Variants in MAP4K1 observed in about 807,000 individuals in gnomAD.
MAP4K1 encodes mitogen-activated protein kinase kinase kinase kinase 1.
In MAP4K1, 35 loss-of-function variants were observed where a neutral mutation model predicts 122.8. The ratio of observed to expected loss-of-function variants is 0.29; its 90% CI spans 0.22 to 0.38. The LOEUF is 0.38. MAP4K1 is among the 10% of genes least tolerant of loss of function. MAP4K1 has a pLI of 1.00. For synonymous variants in MAP4K1, 412 were observed against 421.3 expected (o/e 0.98, Z 0.27); for missense variants, 791 against 1,072.6 (o/e 0.74, Z 3.67).
At position 38,605,435 on chromosome 19, in the gene MAP4K1, G is replaced by T. The variant is rs1347520771; in HGVS notation, c.1420C>A (p.Pro474Thr). Residue 474 changes from proline to threonine, a missense_variant, in exon 19 of 31, where the codon CCC (proline) becomes ACC (threonine). Around this residue, in one of 4 missense-constraint regions of MAP4K1, gnomAD observed 303 missense variants for 344.8 expected, o/e 0.88. Coordinates refer to ENST00000396857, the MANE Select transcript of MAP4K1 (RefSeq NM_001042600.3). Reference sequence around the variant, plus strand: ...TTTCTCTTCATCTTTTCCTTCTTGGGGGGCAGAAGTGGGGGCTTGTCAAGC... The same window carrying T: ...TTTCTCTTCATCTTTTCCTTCTTGGTGGGCAGAAGTGGGGGCTTGTCAAGC... ...RELDKPPLLPPKKEKMKRKGC... is the reference protein window; with the variant it reads ...RELDKPPLLPTKKEKMKRKGC... 1 of 1,601,858 alleles carries T rather than the reference G, an allele frequency of 6.2e-7. No homozygotes were observed. The highest frequency in any genetic ancestry group is 8.5e-7 in the Non-Finnish European group (1 of 1,175,378).
At chr19:38,602,523 C>CATGTACAT (rs1491331443) in intron 19 of MAP4K1, among the ~76,000 whole-genome samples, 28 of 147,444 alleles carry the variant, frequency 1.9e-4, no homozygotes, top group Non-Finnish European at 3.0e-4. Flanking sequence ...CATATATACG[C>CATGTACAT]ATATACATAT....
At chr19:38,603,073 CAT>C (rs1284006032) in intron 19 of MAP4K1, among the ~76,000 whole-genome samples, 2 of 118,614 alleles carry the variant, frequency 1.7e-5, no homozygotes, top group East Asian at 5.5e-4. Flanking sequence ...TACACATATA[CAT>C]ATATACACAT....
intron 20 of MAP4K1, among the ~76,000 whole-genome samples, chr19:38,600,648 C>A (rs1459039263): frequency 6.6e-6 from 1 of 151,930 alleles, no homozygotes; most frequent in Non-Finnish European, 1.5e-5. Context: ...AATTCCTCAC[C>A]CCAAAATGCT....
rs776503726 is a variant in MAP4K1 at position 38,605,488 on chromosome 19, G to C, written c.1367C>G (p.Pro456Arg). 1.3e-6 allele frequency: 2 copies of C among 1,585,104 alleles called. No individual in the cohort carries two copies. The highest frequency in any genetic ancestry group is 1.8e-5 in the Admixed American group (1 of 55,422). The change falls in exon 19 of 31, where the codon CCC becomes CGC. Residue 456 changes from proline (P) to arginine (R), a missense_variant. Pro to Arg is a moderately radical substitution (Grantham distance 103). Transcript: ENST00000396857. Reference protein sequence around the residue: ...SSPHLTAHSEPSLWNPPSREL... With the variant: ...SSPHLTAHSERSLWNPPSREL... ...CCGGGAGGGTGGGTTCCAGAGTGAG[G>C]GTTCTGAGAGGGGTTAGGAGAAAAT...
chr19:38,601,424 C>G lies in MAP4K1; in HGVS notation c.1531+17G>C. ...CCCATTCCCTACAGGATCTCCTTGA[C>G]CCTCCAGAATGCCCACCCTTGGTGG... is the stretch of plus-strand genomic sequence containing the variant. On this transcript the variant is annotated intron_variant, in intron 20 of 30. Coordinates refer to ENST00000396857, the MANE Select transcript of MAP4K1 (RefSeq NM_001042600.3). 1.3e-6 allele frequency: 2 copies of G among 1,596,602 alleles called. No homozygotes were observed. Among genetic ancestry groups the G allele is most frequent in the Non-Finnish European group, 1.7e-6 (2 of 1,170,900 alleles).
chr19:38,614,523 A>C, intron 4 of MAP4K1, 78 bp from the exon 5 acceptor site: 6 of 1,484,726 alleles, frequency 4.0e-6, no homozygotes, highest in East Asian at 2.3e-5. Context: ...GCCCCCCCAC[A>C]CCAGCTAAGA....
At chr19:38,599,399 T>G (rs927922148) in intron 22 of MAP4K1, among the ~76,000 whole-genome samples, 1 of 136,854 alleles carries the variant, frequency 7.3e-6, no homozygotes, top group Admixed American at 7.3e-5. Context: ...TGGTGGCTCA[T>G]GCCTGTAATC....
intron 5 of MAP4K1, 30 bp from the exon 6 acceptor site, chr19:38,614,322 G>T: frequency 6.2e-7 from 1 of 1,614,160 alleles, no homozygotes; most frequent in Non-Finnish European, 8.5e-7. Flanking sequence ...AGGGGACAGT[G>T]AGTGTTTGGG....
chr19:38,596,896 G>A (rs34279836), intron 25 of MAP4K1, 138 bp downstream of exon 25: 1 of 791,324 alleles, frequency 1.3e-6, no homozygotes, highest in Non-Finnish European at 2.1e-6. Flanking sequence ...GCAGACCGCA[G>A]GTGGGCGGGG....
At chr19:38,590,796 G>T (rs1006159537) in intron 30 of MAP4K1, among the ~76,000 whole-genome samples, 4 of 151,938 alleles carry the variant, frequency 2.6e-5, no homozygotes, top group Non-Finnish European at 5.9e-5. Flanking sequence ...TTGAGTAGGG[G>T]TATGAATTAG....
rs1046776815 is a variant in MAP4K1 at position 38,595,963 on chromosome 19, C to T, written c.2155G>A (p.Asp719Asn). 6.2e-7 allele frequency: 1 copy of T among 1,614,026 alleles called. No homozygotes were observed. The highest frequency in any genetic ancestry group is 8.5e-7 in the Non-Finnish European group (1 of 1,179,980). ...CCATCCATCAACACCATCACCATAT[C>T]TTCCTCTACCTGGGTCACCTGCACG... The part of the protein sequence containing the change: ...GPVQVTQVEE[D>N]MVMVLMDGSV... The change falls in exon 27 of 31, where the codon GAT becomes AAT. Residue 719 changes from aspartate (D) to asparagine (N), a missense_variant. Coordinates refer to ENST00000396857, the MANE Select transcript of MAP4K1 (RefSeq NM_001042600.3).
chr19:38,587,980 G>C (rs550013713), intron 30 of MAP4K1, among the ~76,000 whole-genome samples, 163 bp from the exon 31 acceptor site: 7 of 150,890 alleles, frequency 4.6e-5, no homozygotes, highest in African/African-American at 1.7e-4. Context: ...TTCTAGAGAA[G>C]GAGATCAACA....
chr19:38,606,402 G>A (rs1975330794), intron 16 of MAP4K1, among the ~76,000 whole-genome samples, 187 bp from the exon 17 acceptor site: 1 of 152,234 alleles, frequency 6.6e-6, no homozygotes, highest in Admixed American at 6.5e-5. Context: ...GCTCATGCCT[G>A]TAATCGCAGT....
At position 38,617,860 on chromosome 19, in the gene MAP4K1, G is replaced by A. The variant is rs1213249777; in HGVS notation, c.36C>T (p.Asp12=). The A allele has an allele frequency of 4.3e-6, 7 of 1,614,022 alleles. No individual in the cohort carries two copies. Among genetic ancestry groups the A allele is most frequent in the African/African-American group, 2.7e-5 (2 of 74,906 alleles). The change falls in exon 1 of 31, where the codon GAC becomes GAT. Residue 12 remains aspartate, a synonymous_variant. Transcript: ENST00000396857. This position sits in a 1 kb window ranked among gnomAD's most constrained non-coding sequence, Gnocchi z 4.1. ...GTAGCAGGTCATAGTGGTCCCGGGGGTCTCTATTGAAAATGTCAGGGTCCA... is the reference window on the plus strand; with the variant it reads ...GTAGCAGGTCATAGTGGTCCCGGGGATCTCTATTGAAAATGTCAGGGTCCA... ...DVVDPDIFNR[D]PRDHYDLLQR...
rs1975072521 is a variant in MAP4K1, at chr19:38,601,738, A to G, written c.1447-213T>C. 2.4e-5 allele frequency: 13 copies of G among 532,008 alleles called. No homozygotes were observed. The South Asian group carries it at 2.9e-4, about 12-fold the overall frequency. The allele number at this position is 532,008 out of a possible 1,614,324, so 33.0% of individuals were successfully genotyped here. A position where few individuals can be genotyped will look rare whatever the true frequency, so the allele number is the denominator to read the frequency against. ...TTTTGTTTTTTTTTGTTGTTGTTAT[A>G]TATTTCTTTTTTTAGTTTTTCCTCC... On this transcript the variant is annotated intron_variant, in intron 19 of 30. Coordinates refer to ENST00000396857, the MANE Select transcript of MAP4K1 (RefSeq NM_001042600.3).
At chr19:38,588,395 A>T (rs1385271724) in intron 30 of MAP4K1, among the ~76,000 whole-genome samples, 1 of 152,164 alleles carries the variant, frequency 6.6e-6, no homozygotes, top group Non-Finnish European at 1.5e-5. Flanking sequence ...GTGCCTCAAA[A>T]TAAATAATGA....
chr19:38,604,242 A>G (rs2144724569), intron 19 of MAP4K1, among the ~76,000 whole-genome samples: 1 of 151,444 alleles, frequency 6.6e-6, no homozygotes, highest in Middle Eastern at 3.4e-3. Flanking sequence ...CTACGTGTGT[A>G]GGCATTATGC....
chr19:38,614,549 A>T, intron 4 of MAP4K1, 104 bp from the exon 5 acceptor site: 1 of 1,224,176 alleles, frequency 8.2e-7, no homozygotes, highest in Non-Finnish European at 1.2e-6. Flanking sequence ...CCATAGGGAG[A>T]GGGGAAATAG....
At chr19:38,596,532 G>T (rs756685694) in intron 25 of MAP4K1, 46 bp from the exon 26 acceptor site, 4 of 1,418,692 alleles carry the variant, frequency 2.8e-6, no homozygotes, top group Non-Finnish European at 3.7e-6. Flanking sequence ...GGTTCAGGAC[G>T]GGGCCTCAGG....
Sources: allele counts gnomAD v4.1 joint callset (sites outside exome capture counted in the v4.1 genomes callset), GRCh38; gene constraint gnomAD v4.1.1; regional missense constraint gnomAD v4.1.1; non-coding constraint Gnocchi (gnomAD v3.1); transcripts MANE v1.5; gene names NCBI Gene and HGNC (gene_info 2026-07-23, HGNC 2026-07-21).